The following GDF6 variants were observed in gnomAD, a reference collection of about 807,000 sequenced individuals.
The protein encoded by GDF6 is growth/differentiation factor 6.
A neutral mutation model predicts 32.4 loss-of-function variants in GDF6; 3 were observed. The observed-to-expected ratio is 0.09, with a 90% CI of 0.04 to 0.24. GDF6 has a LOEUF of 0.24. Ranked by LOEUF, GDF6 falls within the 10% of genes least tolerant of loss-of-function variation. The probability of loss-of-function intolerance (pLI) is 1.00; values close to 1 mark genes in which losing one functional copy is unlikely to be tolerated. For missense variants in GDF6, 589 were observed against 637.9 expected, an observed-to-expected ratio of 0.92 and a Z score of 0.83; for synonymous variants, 296 against 295.3, an observed-to-expected ratio of 1.00 and a Z score of -0.03.
rs752112002 is a variant in GDF6, at chr8:96,160,563, G to C, written c.130C>G (p.Arg44Gly). ...SAELGSTKGM[R>G]SRKEGKMQRA... is the part of the protein sequence containing the mutation. The stretch of plus-strand genomic sequence containing the variant: ...TGCATCTTGCCTTCCTTGCGGCTTC[G>C]CATGCCCTTGGTGGAACCCAGCTCG... Residue 44 changes from arginine to glycine, a missense_variant, in exon 1 of 2, where the codon CGA becomes GGA. By Grantham distance (125) the Arg-to-Gly change is moderately radical (BLOSUM62 -2). Transcript: ENST00000287020. 9 of 1,613,494 alleles carry C rather than the reference G, an allele frequency of 5.6e-6. No individual in the cohort carries two copies. Among genetic ancestry groups the C allele is most frequent in the African/African-American group, 4.0e-5 (3 of 74,928 alleles).
chr8:96,156,114 C>A (rs1201670886), intron 1 of GDF6, among the ~76,000 whole-genome samples: 2 of 152,222 alleles, frequency 1.3e-5, no homozygotes, highest in Non-Finnish European at 2.9e-5. Flanking sequence ...GCATCAAGTT[C>A]TTCAAGGATG....
rs1812420557 is a variant in GDF6, at chr8:96,144,246, G to GAGAGAGAGAGAGAGAGAGAGAC, written c.*316_*317insGTCTCTCTCTCTCTCTCTCTCT. ...AAGGAAATCCAAAGCCACAGTAATA[G>GAGAGAGAGAGAGAGAGAGAGAC]AGAGAGAGAGAGAGAGAGAGAGAGA... is the stretch of plus-strand genomic sequence containing the variant. On this transcript the variant is annotated 3_prime_UTR_variant, in exon 2 of 2. Transcript: ENST00000287020. The surrounding 1 kb of genome is among the most constrained non-coding windows in gnomAD (Gnocchi z 5.1). The GAGAGAGAGAGAGAGAGAGAGAC allele has an allele frequency of 2.2e-4, 24 of 111,132 alleles. No individual in the cohort carries two copies. The highest frequency in any genetic ancestry group is 9.5e-4 in the African/African-American group (21 of 22,178). 6.9% of individuals were successfully genotyped at this position (111,132 alleles called of 1,614,324 possible). A position where few individuals can be genotyped will look rare whatever the true frequency, so the allele number is the denominator to read the frequency against.
At chr8:96,157,957 C>G (rs1489590746) in intron 1 of GDF6, among the ~76,000 whole-genome samples, 1 of 152,164 alleles carries the variant, frequency 6.6e-6, no homozygotes, top group African/African-American at 2.4e-5. Flanking sequence ...GCACCCCCTC[C>G]TCTGCGCACC....
intron 1 of GDF6, among the ~76,000 whole-genome samples, chr8:96,156,741 A>G (rs1812672071): frequency 1.3e-5 from 2 of 152,230 alleles, no homozygotes; most frequent in South Asian, 2.1e-4. Context: ...AAATAAGAAC[A>G]GGAGGAAGCA....
intron 1 of GDF6, among the ~76,000 whole-genome samples, chr8:96,156,377 C>CCTCTCTCTCTCTCTCTCTCTCTCT: frequency 7.1e-6 from 1 of 140,774 alleles, no homozygotes; most frequent in Non-Finnish European, 1.5e-5. Flanking sequence ...TCTCTCTTTC[C>CCTCTCTCTCTCTCTCTCTCTCTCT]CTCTCTCTCT....
At chr8:96,157,477 T>C (rs1812687740) in intron 1 of GDF6, among the ~76,000 whole-genome samples, 1 of 151,710 alleles carries the variant, frequency 6.6e-6, no homozygotes, top group Non-Finnish European at 1.5e-5. Context: ...CCTTTCCTTT[T>C]CTTCGCTCCT....
chr8:96,144,286 GAGAGA>G lies in GDF6; in HGVS notation c.*272_*276del, dbSNP rs1419201617. The G allele has an allele frequency of 5.2e-4, 247 of 475,746 alleles. 3 individuals carry two copies. The African/African-American group carries it at 5.2e-3, about 10-fold the overall frequency. 29.5% of individuals were successfully genotyped at this position (475,746 alleles called of 1,614,324 possible). A position where few individuals can be genotyped will look rare whatever the true frequency, so the allele number is the denominator to read the frequency against. The stretch of plus-strand genomic sequence containing the variant: ...AGAGAGAGAGAGAGAGAGAGAGAGA[GAGAGA>G]AAACAGAACAAAAGAAATCCTCCTT... On this transcript the variant is annotated 3_prime_UTR_variant, in exon 2 of 2. Transcript: ENST00000287020. This position sits in a 1 kb window ranked among gnomAD's most constrained non-coding sequence, Gnocchi z 5.1.
chr8:96,160,417 C>T lies in GDF6; in HGVS notation c.276G>A (p.Val92=). 9.9e-6 allele frequency: 16 copies of T among 1,614,124 alleles called. No homozygotes were observed. The highest frequency in any genetic ancestry group is 1.4e-5 in the Non-Finnish European group (16 of 1,179,982). ...TTGACAGCATGTACTCGTGGGGCAC[C>T]ACGCGCGGACCCCTGCCTGGCGGCT... ...AQEPPGRGPR[V]VPHEYMLSIY... Residue 92 remains valine, a synonymous_variant, in exon 1 of 2, where the codon GTG becomes GTA. Transcript: ENST00000287020.
Position 96,158,776 on chromosome 8 carries a change from C to A in GDF6, c.406+1511G>T, listed in dbSNP as rs1174601393. Reference sequence around the variant, plus strand: ...GCACGGGCAGCACGGAGGCCAGGGACTCAGTTGCACTACTACGAAGAAGCC... The same window carrying A: ...GCACGGGCAGCACGGAGGCCAGGGAATCAGTTGCACTACTACGAAGAAGCC... On this transcript the variant is annotated intron_variant, in intron 1 of 1. Transcript: ENST00000287020. Among the ~76,000 whole-genome samples, 4 of 152,326 alleles carry A rather than the reference C, an allele frequency of 2.6e-5. No homozygotes were observed. The East Asian group carries it at 7.7e-4, about 29-fold the overall frequency.
At chr8:96,146,492 T>C (rs558789837) in intron 1 of GDF6, among the ~76,000 whole-genome samples, 5 of 152,234 alleles carry the variant, frequency 3.3e-5, no homozygotes, top group Admixed American at 1.3e-4. Flanking sequence ...ATTTATTTAT[T>C]CACCAATCAT....
chr8:96,155,512 C>A (rs1237475633), intron 1 of GDF6, among the ~76,000 whole-genome samples: 1 of 152,214 alleles, frequency 6.6e-6, no homozygotes, highest in African/African-American at 2.4e-5. Flanking sequence ...TTTGCAGGAC[C>A]TTCCAGTTCA....
rs966657559 is a variant in GDF6, at chr8:96,160,778, G to A, written c.-86C>T. The A allele has an allele frequency of 9.2e-5, 127 of 1,382,778 alleles. No individual in the cohort carries two copies. The African/African-American group carries it at 1.6e-3, about 17-fold the overall frequency. 85.7% of individuals were successfully genotyped at this position (1,382,778 alleles called of 1,614,324 possible). The stretch of plus-strand genomic sequence containing the variant: ...ACGGAGCGGCTGGACAGCGGCCGGG[G>A]CCCGGCTCCTCGGGCGGACTCGGAG... On this transcript the variant is annotated 5_prime_UTR_variant, in exon 1 of 2. Coordinates refer to ENST00000287020, the MANE Select transcript of GDF6 (RefSeq NM_001001557.4).
intron 1 of GDF6, among the ~76,000 whole-genome samples, chr8:96,153,709 TC>T (rs1812609271): frequency 6.6e-6 from 1 of 152,170 alleles, no homozygotes; most frequent in Non-Finnish European, 1.5e-5. Context: ...TTATGTGACT[TC>T]CGCTCCCTGA....
At position 96,160,718 on chromosome 8, in the gene GDF6, A is replaced by G. The variant is rs746768308; in HGVS notation, c.-26T>C. ...GGCGGGCAAGTGGCTGCGTCTCCCC[A>G]GGAGGCGGTGGCGGCGGCGCAGGAC... On this transcript the variant is annotated 5_prime_UTR_variant, in exon 1 of 2. Coordinates refer to ENST00000287020, the MANE Select transcript of GDF6 (RefSeq NM_001001557.4). 1.2e-6 allele frequency: 2 copies of G among 1,611,324 alleles called. No individual in the cohort carries two copies. Among genetic ancestry groups the G allele is most frequent in the South Asian group, 1.1e-5 (1 of 91,022 alleles).
Position 96,160,632 on chromosome 8 carries a change from G to T in GDF6, c.61C>A (p.Pro21Thr), listed in dbSNP as rs375724225. The T allele has an allele frequency of 3.7e-6, 6 of 1,613,716 alleles. No homozygotes were observed. Among genetic ancestry groups the T allele is most frequent in the Non-Finnish European group, 4.2e-6 (5 of 1,179,694 alleles). ...VFLISFLWDL[P>T]GFQQASISSS... ...GAGATGGAAGCCTGCTGGAAACCGGGCAAATCCCACAGAAAACTGATGAGG... is the reference window on the plus strand; with the variant it reads ...GAGATGGAAGCCTGCTGGAAACCGGTCAAATCCCACAGAAAACTGATGAGG... Residue 21 changes from proline to threonine, a missense_variant, in exon 1 of 2, where the codon CCC becomes ACC. Around this residue, in one of 2 missense-constraint regions of GDF6, gnomAD observed 436 missense variants for 411.2 expected, o/e 1.06. Coordinates refer to ENST00000287020, the MANE Select transcript of GDF6 (RefSeq NM_001001557.4).
chr8:96,145,164 G>C lies in GDF6; in HGVS notation c.767C>G (p.Pro256Arg). The C allele has an allele frequency of 6.7e-7, 1 of 1,500,510 alleles. No homozygotes were observed. Among genetic ancestry groups the C allele is most frequent in the Non-Finnish European group, 8.8e-7 (1 of 1,132,632 alleles). 92.9% of individuals were successfully genotyped at this position (1,500,510 alleles called of 1,614,324 possible). A position where few individuals can be genotyped will look rare whatever the true frequency, so the allele number is the denominator to read the frequency against. ...EARARGPQQP[P>R]PPDLRSLGFG... ...GCCCAGACTCCGCAGGTCCGGGGGC[G>C]GCGGTTGCTGGGGTCCCCGCGCGCG... Residue 256 changes from proline to arginine, a missense_variant, in exon 2 of 2, where the codon CCG becomes CGG. By Grantham distance (103) the Pro-to-Arg change is moderately radical (BLOSUM62 -2). Around this residue, in one of 2 missense-constraint regions of GDF6, gnomAD observed 436 missense variants for 411.2 expected, o/e 1.06. Transcript: ENST00000287020. The surrounding 1 kb of genome is among the most constrained non-coding windows in gnomAD (Gnocchi z 5.6).
chr8:96,160,208 A>G, intron 1 of GDF6, 79 bp downstream of exon 1: 2 of 1,400,820 alleles, frequency 1.4e-6, no homozygotes, highest in Non-Finnish European at 2.0e-6. Context: ...GAATTCACAA[A>G]TGTAGCCTCC....
intron 1 of GDF6, among the ~76,000 whole-genome samples, chr8:96,151,939 T>A (rs935574475): frequency 1.3e-5 from 2 of 152,188 alleles, no homozygotes; most frequent in African/African-American, 4.8e-5. Flanking sequence ...AGAGTCAAAG[T>A]ACCTCAGGGA....
chr8:96,142,997 G>C lies in GDF6; in HGVS notation c.*1566C>G, dbSNP rs1812398054. On this transcript the variant is annotated 3_prime_UTR_variant, in exon 2 of 2. Transcript: ENST00000287020. ...TGAGGAGGAAGCTAACTCTTCAAAG[G>C]GCCTACTCATGGGCAATGTTTGAAA... is the stretch of plus-strand genomic sequence containing the variant. 1 of 152,134 alleles carries C rather than the reference G, an allele frequency of 6.6e-6. No homozygotes were observed. Among genetic ancestry groups the C allele is most frequent in the South Asian group, 2.1e-4 (1 of 4,822 alleles). The allele number at this position is 152,134 out of a possible 1,614,324, so 9.4% of individuals were successfully genotyped here.
Sources: allele counts gnomAD v4.1 joint callset (sites outside exome capture counted in the v4.1 genomes callset), GRCh38; gene constraint gnomAD v4.1.1; regional missense constraint gnomAD v4.1.1; non-coding constraint Gnocchi (gnomAD v3.1); transcripts MANE v1.5; gene names NCBI Gene and HGNC (gene_info 2026-07-23, HGNC 2026-07-21).